Variants in ATP13A5 observed in about 807,000 individuals in gnomAD.
ATP13A5 encodes the protein probable cation-transporting ATPase 13A5.
Under a neutral mutation model 150.2 loss-of-function variants are expected in ATP13A5, and 149 were observed. The observed-to-expected ratio is 0.99, with a 90% CI of 0.87 to 1.14. ATP13A5 has a LOEUF of 1.14. ATP13A5 is among the 50% of genes most tolerant of loss of function. ATP13A5 has a pLI of 0.00. For missense variants in ATP13A5, 1,383 were observed against 1,449.3 expected (o/e 0.95, Z 0.74); for synonymous variants, 497 against 522.2 (o/e 0.95, Z 0.66).
At chr3:193,278,543 A>G (rs1717328871) in intron 28 of ATP13A5, among the ~76,000 whole-genome samples, 1 of 152,078 alleles carries the variant, frequency 6.6e-6, no homozygotes, top group Middle Eastern at 3.2e-3. Flanking sequence ...TGCATTTCTA[A>G]AACAAAACCT....
chr3:193,306,981 G>T (rs550440070), intron 22 of ATP13A5: 3 of 432,500 alleles, frequency 6.9e-6, no homozygotes, highest in African/African-American at 4.3e-5. Context: ...ACCTTGGGAG[G>T]GGGGAAGAAA....
chr3:193,294,546 A>C (rs546547737), intron 25 of ATP13A5, among the ~76,000 whole-genome samples: 87 of 152,190 alleles, frequency 5.7e-4, no homozygotes, highest in African/African-American at 2.0e-3. Context: ...CATTGCCTTA[A>C]AACCTTGTGG....
At chr3:193,333,683 T>C (rs2108874767) in intron 11 of ATP13A5, 67 bp downstream of exon 11, 1 of 1,439,488 alleles carries the variant, frequency 6.9e-7, no homozygotes, top group Non-Finnish European at 9.6e-7. Context: ...CCTAAACCAA[T>C]CCTCTGAGTT....
intron 4 of ATP13A5, 29 bp from the exon 5 acceptor site, chr3:193,362,490 C>A (rs1224842444): frequency 1.9e-6 from 3 of 1,613,354 alleles, no homozygotes; most frequent in Admixed American, 1.7e-5. Flanking sequence ...AGGAACCACA[C>A]TTCAGTTCAT....
intron 5 of ATP13A5, among the ~76,000 whole-genome samples, chr3:193,359,082 AT>A (rs1712901668): frequency 2.0e-5 from 1 of 50,892 alleles, no homozygotes; most frequent in Non-Finnish European, 3.5e-5. Context: ...TAAAGAAAGG[AT>A]ATATATATAT....
chr3:193,323,499 C>A (rs560428889), intron 14 of ATP13A5: 1 of 152,226 alleles, frequency 6.6e-6, no homozygotes, highest in African/African-American at 2.4e-5. Flanking sequence ...TATTCCCAAC[C>A]AAGTATGTTA....
rs1183087529 is a variant in ATP13A5 at position 193,324,900 on chromosome 3, G to C, written c.1638C>G (p.Asp546Glu). 2 of 1,614,088 alleles carry C rather than the reference G, an allele frequency of 1.2e-6. No homozygotes were observed. The highest frequency in any genetic ancestry group is 1.1e-5 in the South Asian group (1 of 91,076). Residue 546 changes from aspartate to glutamate, a missense_variant, in exon 14 of 30, where the codon GAC (aspartate) becomes GAG (glutamate). By Grantham distance (45) the Asp-to-Glu change is conservative (BLOSUM62 2). Transcript: ENST00000342358. ...CCTCAAACATTTTGAGGTCCAGAGG[G>C]TCTCCCTGGATGGTCCCATTGAGAA... ...LILLNGTIQG[D>E]PLDLKMFEGT... is the part of the protein sequence containing the mutation.
Position 193,365,487 on chromosome 3 carries a change from T to C in ATP13A5, c.64-1207A>G, listed in dbSNP as rs1187786946. Among the ~76,000 whole-genome samples the C allele has an allele frequency of 3.3e-5, 5 of 152,302 alleles. No homozygotes were observed. In the East Asian group the frequency reaches 9.6e-4, roughly 29 times the overall value. On this transcript the variant is annotated intron_variant, in intron 1 of 29. Coordinates refer to ENST00000342358, the MANE Select transcript of ATP13A5 (RefSeq NM_198505.4). The stretch of plus-strand genomic sequence containing the variant: ...CCCTGCTTTTAAGCATGTTTTCTAT[T>C]GGTTCTCCTCTTTCTCTTTCTGTTC...
In ATP13A5 at chr3:193,307,303, T is replaced by C. The variant is rs1240796132; in HGVS notation, c.2568+24A>G. On this transcript the variant is annotated intron_variant, in intron 22 of 29. Coordinates refer to ENST00000342358, the MANE Select transcript of ATP13A5 (RefSeq NM_198505.4). ...GAGGGATATTAGTGAGTGGCTTGTC[T>C]GAGCAAAAGCCATTTCTACTCACCC... 4 of 1,613,640 alleles carry C rather than the reference T, an allele frequency of 2.5e-6. No homozygotes were observed. In the South Asian group the frequency reaches 4.4e-5, roughly 18 times the overall value.
At chr3:193,352,789 A>T (rs904218413) in intron 6 of ATP13A5, among the ~76,000 whole-genome samples, 2 of 152,188 alleles carry the variant, frequency 1.3e-5, no homozygotes, top group Non-Finnish European at 2.9e-5. Flanking sequence ...ATAATGGTAA[A>T]TAATTTTTTA....
At chr3:193,375,172 AAGG>A (rs527770035) in intron 1 of ATP13A5, among the ~76,000 whole-genome samples, 1 of 152,180 alleles carries the variant, frequency 6.6e-6, no homozygotes, top group Non-Finnish European at 1.5e-5. Context: ...CCTGATAGGG[AAGG>A]AGAACAGGGA....
chr3:193,295,314 A>G (rs1190002289), intron 25 of ATP13A5, among the ~76,000 whole-genome samples: 1 of 152,046 alleles, frequency 6.6e-6, no homozygotes, highest in East Asian at 1.9e-4. Flanking sequence ...AGCAAAAGAT[A>G]TTTGAAACTT....
intron 25 of ATP13A5, among the ~76,000 whole-genome samples, chr3:193,295,000 A>G (rs1441422484): frequency 6.6e-6 from 1 of 152,072 alleles, no homozygotes; most frequent in Non-Finnish European, 1.5e-5. Flanking sequence ...TTTCTTCTGA[A>G]TATGCATCAC....
chr3:193,311,182 G>T (rs987029976), intron 20 of ATP13A5, among the ~76,000 whole-genome samples: 2 of 152,174 alleles, frequency 1.3e-5, no homozygotes, highest in African/African-American at 4.8e-5. Context: ...AGCTTTCCCT[G>T]AACTGAACTA....
chr3:193,302,834 G>GA (rs1560121904), intron 23 of ATP13A5, among the ~76,000 whole-genome samples: 11 of 152,186 alleles, frequency 7.2e-5, no homozygotes, highest in Admixed American at 7.2e-4. Flanking sequence ...ATCAAGGATA[G>GA]AAAAAGTAAA....
chr3:193,322,306 C>T lies in ATP13A5; in HGVS notation c.1758+185G>A, dbSNP rs555467021. ...GCTAGCACCTAGCACAATGCCCTAG[C>T]GTACACAGGTAGTGTTTGTTGAATA... On this transcript the variant is annotated intron_variant, in intron 15 of 29. Transcript: ENST00000342358. Among the ~76,000 whole-genome samples the T allele has an allele frequency of 6.4e-4, 97 of 152,234 alleles. 2 individuals carry two copies. The highest frequency in any genetic ancestry group is 2.0e-3 in the African/African-American group (84 of 41,530).
intron 27 of ATP13A5, 114 bp from the exon 28 acceptor site, chr3:193,279,568 G>A: frequency 1.4e-6 from 1 of 738,070 alleles, no homozygotes; most frequent in South Asian, 1.7e-5. Flanking sequence ...ATCTTCAGAT[G>A]TTTTGATATA....
chr3:193,313,303 G>T (rs1169938095), intron 19 of ATP13A5: 1 of 152,192 alleles, frequency 6.6e-6, no homozygotes, highest in Non-Finnish European at 1.5e-5. Context: ...CTGCACAAAG[G>T]CCCGCTCTAT....
rs1363751550 is a variant in ATP13A5, at chr3:193,363,456, CA to C, written c.238-75del. The C allele has an allele frequency of 3.6e-6, 5 of 1,374,582 alleles. No homozygotes were observed. In the Admixed American group the frequency reaches 1.0e-4, roughly 29 times the overall value. The allele number at this position is 1,374,582 out of a possible 1,614,324, so 85.1% of individuals were successfully genotyped here. On this transcript the variant is annotated intron_variant, in intron 2 of 29. Transcript: ENST00000342358. ...GGTGCTCAATCAACCAAATACCTACCAAGTGGTACAAAACTTTGACCCAAAC... is the reference window on the plus strand; with the variant it reads ...GGTGCTCAATCAACCAAATACCTACCAGTGGTACAAAACTTTGACCCAAAC...
Sources: allele counts gnomAD v4.1 joint callset (sites outside exome capture counted in the v4.1 genomes callset), GRCh38; gene constraint gnomAD v4.1.1; transcripts MANE v1.5; gene names NCBI Gene and HGNC (gene_info 2026-07-23, HGNC 2026-07-21).